Variants in DLG2 observed in about 807,000 individuals in gnomAD.
DLG2 encodes discs large MAGUK scaffold protein 2.
A neutral mutation model predicts 132.5 loss-of-function variants in DLG2; 45 were observed. The ratio of observed to expected loss-of-function variants is 0.34; its 90% CI spans 0.27 to 0.44. DLG2 has a LOEUF of 0.44. Among genes scored for constraint, DLG2 ranks in the 20% least tolerant of loss-of-function variants. The pLI, the probability that DLG2 is intolerant of heterozygous loss-of-function variation, is 1.00. For synonymous variants in DLG2, 424 were observed against 419.6 expected (o/e 1.01, Z -0.13); for missense variants, 1,045 against 1,196.9 (o/e 0.87, Z 1.87).
intron 6 of DLG2, among the ~76,000 whole-genome samples, chr11:85,043,925 T>G (rs1338667823): frequency 1.3e-5 from 2 of 151,960 alleles, no homozygotes; most frequent in Non-Finnish European, 2.9e-5. Context: ...TATTGGTATG[T>G]AAGGTTGTAA....
chr11:85,577,049 A>G (rs2078200043), intron 3 of DLG2, among the ~76,000 whole-genome samples: 1 of 152,152 alleles, frequency 6.6e-6, no homozygotes, highest in African/African-American at 2.4e-5. Flanking sequence ...TTAGTAGAAG[A>G]GGTGGGAGAA....
chr11:85,198,022 C>T (rs2081190480), intron 4 of DLG2, among the ~76,000 whole-genome samples: 1 of 151,994 alleles, frequency 6.6e-6, no homozygotes, highest in Non-Finnish European at 1.5e-5. Flanking sequence ...TGATAAATAA[C>T]AGACGAACGA....
In DLG2 at chr11:83,895,145, CTTTTTT is replaced by C. The variant is rs11287512; in HGVS notation, c.1497-20663_1497-20658del. Among the ~76,000 whole-genome samples the C allele has an allele frequency of 6.3e-4, 55 of 87,912 alleles. No homozygotes were observed. In the South Asian group the frequency reaches 0.024, roughly 38 times the overall value. 57.7% of individuals were successfully genotyped at this position (87,912 alleles called of 152,430 possible). A position where few individuals can be genotyped will look rare whatever the true frequency, so the allele number is the denominator to read the frequency against. On this transcript the variant is annotated intron_variant, in intron 15 of 27. Transcript: ENST00000376104. ...ACATCATATTACTAAGAACTACTGT[CTTTTTT>C]TTTTTTTTTTTTTTTTGGAGATGGA...
At chr11:84,346,358 A>G (rs1175421228) in intron 7 of DLG2, among the ~76,000 whole-genome samples, 1 of 152,212 alleles carries the variant, frequency 6.6e-6, no homozygotes, top group Non-Finnish European at 1.5e-5. Context: ...TTAATTTTGC[A>G]TCTTGAATCT....
chr11:85,501,334 A>C (rs1168731252), intron 3 of DLG2, among the ~76,000 whole-genome samples: 1 of 152,216 alleles, frequency 6.6e-6, no homozygotes, highest in Non-Finnish European at 1.5e-5. Flanking sequence ...AAACCTGTGA[A>C]ATACCATTCA....
At chr11:84,577,387 C>T (rs1333289384) in intron 6 of DLG2, among the ~76,000 whole-genome samples, 2 of 152,172 alleles carry the variant, frequency 1.3e-5, no homozygotes, top group African/African-American at 2.4e-5. Flanking sequence ...AAGTTTGGAA[C>T]TTCCTGGAGA....
chr11:85,297,791 A>C, intron 3 of DLG2, among the ~76,000 whole-genome samples: 1 of 152,130 alleles, frequency 6.6e-6, no homozygotes, highest in Admixed American at 6.6e-5. Flanking sequence ...CAAGATGAGA[A>C]GGGTATTCAA....
intron 6 of DLG2, among the ~76,000 whole-genome samples, chr11:84,842,270 A>G (rs1189134204): frequency 2.6e-5 from 4 of 151,980 alleles, no homozygotes; most frequent in Non-Finnish European, 5.9e-5. Context: ...TGCTTCTCAT[A>G]ACAATCTTGC....
chr11:85,403,967 G>A (rs1171611938), intron 3 of DLG2, among the ~76,000 whole-genome samples: 4 of 152,036 alleles, frequency 2.6e-5, no homozygotes, highest in African/African-American at 9.7e-5. Context: ...AATAGGTGAA[G>A]CGGGGAGAAG....
chr11:84,628,220 T>C (rs1281467713), intron 6 of DLG2, among the ~76,000 whole-genome samples: 2 of 152,040 alleles, frequency 1.3e-5, no homozygotes, highest in African/African-American at 2.4e-5. Context: ...CTGGCACAGA[T>C]TAGGAGCCCA....
chr11:84,117,764 A>G (rs2154198434), intron 9 of DLG2, among the ~76,000 whole-genome samples: 1 of 152,326 alleles, frequency 6.6e-6, no homozygotes, highest in South Asian at 2.1e-4. Context: ...GCATATAATA[A>G]ATATGCAATA....
chr11:84,308,927 C>A (rs2098259721), intron 7 of DLG2, among the ~76,000 whole-genome samples: 1 of 152,188 alleles, frequency 6.6e-6, no homozygotes, highest in Non-Finnish European at 1.5e-5. Flanking sequence ...CCCTCCACAC[C>A]TCTCTGCAAG....
chr11:85,285,104 AC>A, intron 4 of DLG2, 115 bp downstream of exon 4: 1 of 927,002 alleles, frequency 1.1e-6, no homozygotes, highest in South Asian at 2.1e-5. Context: ...TGGTATAACT[AC>A]ATTTCTATTA....
intron 4 of DLG2, among the ~76,000 whole-genome samples, chr11:85,156,218 T>G (rs1459030980): frequency 1.3e-5 from 2 of 152,220 alleles, no homozygotes; most frequent in African/African-American, 4.8e-5. Flanking sequence ...ATTAGCATAT[T>G]GTATTATAAA....
chr11:84,548,554 A>C (rs1241283357), intron 6 of DLG2, among the ~76,000 whole-genome samples: 1 of 151,588 alleles, frequency 6.6e-6, no homozygotes, highest in African/African-American at 2.4e-5. Context: ...TCCTTGCGAT[A>C]GTTTGCTGAG....
intron 18 of DLG2, among the ~76,000 whole-genome samples, chr11:83,765,191 A>G (rs2094090311): frequency 6.6e-6 from 1 of 152,218 alleles, no homozygotes; most frequent in South Asian, 2.1e-4. Context: ...CTATATGTCA[A>G]ATGAATTATT....
chr11:84,153,575 G>A (rs2095357245), intron 9 of DLG2, among the ~76,000 whole-genome samples: 1 of 151,930 alleles, frequency 6.6e-6, no homozygotes. Flanking sequence ...GTCTGACTGT[G>A]TTGATTCAAA....
intron 4 of DLG2, among the ~76,000 whole-genome samples, chr11:85,195,363 T>C (rs551763021): frequency 1.2e-3 from 181 of 152,134 alleles, no homozygotes; most frequent in African/African-American, 4.0e-3. Context: ...ACCTCCCCAC[T>C]GAAGCCAGAG....
chr11:83,501,064 T>G (rs955486875), intron 21 of DLG2, among the ~76,000 whole-genome samples: 1 of 152,192 alleles, frequency 6.6e-6, no homozygotes, highest in East Asian at 1.9e-4. Flanking sequence ...TTGCTCACTT[T>G]ACAGTTATTC....
Sources: allele counts gnomAD v4.1 joint callset (sites outside exome capture counted in the v4.1 genomes callset), GRCh38; gene constraint gnomAD v4.1.1; transcripts MANE v1.5; gene names NCBI Gene and HGNC (gene_info 2026-07-23, HGNC 2026-07-21).